Variants in NKAIN2 observed in about 807,000 individuals in gnomAD.
The protein encoded by NKAIN2 is sodium/potassium transporting ATPase interacting 2, also known as sodium/potassium-transporting ATPase subunit beta-1-interacting protein 2.
A neutral mutation model predicts 32.6 loss-of-function variants in NKAIN2; 14 were observed. The observed-to-expected ratio is 0.43, with a 90% CI of 0.28 to 0.67. NKAIN2 has a LOEUF of 0.67. Ranked by LOEUF, NKAIN2 falls within the 30% of genes least tolerant of loss-of-function variation. The pLI is 0.17. For synonymous variants in NKAIN2, 80 were observed against 87.2 expected (o/e 0.92, Z 0.46); for missense variants, 198 against 258.3 (o/e 0.77, Z 1.60).
intron 1 of NKAIN2, among the ~76,000 whole-genome samples, chr6:124,100,175 G>A (rs1473560511): frequency 6.6e-6 from 1 of 152,160 alleles, no homozygotes; most frequent in Non-Finnish European, 1.5e-5. Flanking sequence ...AAGATTTCCT[G>A]ATCCTTGAGA....
intron 1 of NKAIN2, among the ~76,000 whole-genome samples, chr6:123,863,741 A>G (rs1332252789): frequency 6.6e-6 from 1 of 152,150 alleles, no homozygotes. Context: ...TAGGACAACA[A>G]TGCAGTTTGC....
At chr6:124,106,987 A>G (rs1467385531) in intron 1 of NKAIN2, among the ~76,000 whole-genome samples, 2 of 152,216 alleles carry the variant, frequency 1.3e-5, no homozygotes, top group East Asian at 1.9e-4. Context: ...TATTAATAAA[A>G]CGAATGAAGT....
intron 3 of NKAIN2, among the ~76,000 whole-genome samples, chr6:124,464,143 A>G (rs1408622557): frequency 6.6e-6 from 1 of 152,170 alleles, no homozygotes; most frequent in East Asian, 1.9e-4. Context: ...CTGTGCCACC[A>G]TGCCCGAATA....
In NKAIN2 at chr6:124,387,276, G is replaced by T. The variant is rs1052810997; in HGVS notation, c.273+31929G>T. On this transcript the variant is annotated intron_variant, in intron 3 of 6. Coordinates refer to ENST00000368417, the MANE Select transcript of NKAIN2 (RefSeq NM_001040214.3). ...TTTAGTCTTCTATTCTGTAAAAAAA[G>T]TTTGGACCTAATTAAAGGTTTTTTT... Among the ~76,000 whole-genome samples, 5 of 142,574 alleles carry T rather than the reference G, an allele frequency of 3.5e-5. No homozygotes were observed. The East Asian group carries it at 1.0e-3, about 30-fold the overall frequency. The allele number at this position is 142,574 out of a possible 152,430, so 93.5% of individuals were successfully genotyped here. A position where few individuals can be genotyped will look rare whatever the true frequency, so the allele number is the denominator to read the frequency against.
At chr6:124,609,557 G>C (rs1364722819) in intron 3 of NKAIN2, among the ~76,000 whole-genome samples, 1 of 152,038 alleles carries the variant, frequency 6.6e-6, no homozygotes, top group Non-Finnish European at 1.5e-5. Context: ...AGAGTAACGA[G>C]TGAAGATGAT....
chr6:124,721,255 T>G (rs1776003986), intron 4 of NKAIN2, among the ~76,000 whole-genome samples: 1 of 151,732 alleles, frequency 6.6e-6, no homozygotes, highest in Admixed American at 6.6e-5. Context: ...ATACAAAAAA[T>G]TAGCCGGGCG....
At chr6:123,878,708 T>C (rs1773296522) in intron 1 of NKAIN2, among the ~76,000 whole-genome samples, 1 of 152,184 alleles carries the variant, frequency 6.6e-6, no homozygotes, top group African/African-American at 2.4e-5. Flanking sequence ...CACCCACTAC[T>C]GATGCTCTGA....
intron 2 of NKAIN2, among the ~76,000 whole-genome samples, chr6:124,319,352 T>C (rs572595626): frequency 3.5e-4 from 54 of 152,226 alleles, no homozygotes; most frequent in African/African-American, 1.2e-3. Context: ...TCATACCTAG[T>C]TGTTCTCCAA....
At chr6:124,579,092 C>G (rs1247258461) in intron 3 of NKAIN2, among the ~76,000 whole-genome samples, 1 of 152,110 alleles carries the variant, frequency 6.6e-6, no homozygotes, top group Non-Finnish European at 1.5e-5. Context: ...GATTACAACA[C>G]CCAAATCCCT....
intron 1 of NKAIN2, among the ~76,000 whole-genome samples, chr6:124,131,165 G>T (rs999646973): frequency 2.6e-5 from 4 of 151,962 alleles, no homozygotes; most frequent in Non-Finnish European, 5.9e-5. Context: ...TTGTTTTTTT[G>T]ATACAGTCTT....
At chr6:124,149,294 A>G (rs1051171461) in intron 1 of NKAIN2, among the ~76,000 whole-genome samples, 1 of 152,164 alleles carries the variant, frequency 6.6e-6, no homozygotes, top group Non-Finnish European at 1.5e-5. Flanking sequence ...GCAGCACAAA[A>G]TTTTATCCAT....
chr6:124,193,231 C>T (rs976250932), intron 1 of NKAIN2, among the ~76,000 whole-genome samples: 10 of 152,308 alleles, frequency 6.6e-5, no homozygotes, highest in African/African-American at 1.7e-4. Flanking sequence ...CCATTTGGCC[C>T]GGCAAACAGG....
rs545133686 is a variant in NKAIN2, at chr6:124,120,494, T to C, written c.55-162511T>C. 1.1e-4 allele frequency among the ~76,000 whole-genome samples: 16 copies of C among 152,270 alleles called. 1 individual carries two copies. The highest frequency in any genetic ancestry group is 9.2e-4 in the Admixed American group (14 of 15,284). On this transcript the variant is annotated intron_variant, in intron 1 of 6. Transcript: ENST00000368417. ...TTATTTAATCTGCACAAAAATTCTG[T>C]AAAGTGGATTGTCTTATCCCTCTTC...
chr6:124,476,135 A>G (rs1157769970), intron 3 of NKAIN2, among the ~76,000 whole-genome samples: 1 of 149,466 alleles, frequency 6.7e-6, no homozygotes, highest in Non-Finnish European at 1.5e-5. Flanking sequence ...ATGCACAGGA[A>G]AATAATTTCT....
At chr6:124,523,902 A>G (rs1779215600) in intron 3 of NKAIN2, among the ~76,000 whole-genome samples, 1 of 152,194 alleles carries the variant, frequency 6.6e-6, no homozygotes, top group African/African-American at 2.4e-5. Context: ...GCCAGAAACA[A>G]TACTCTGGTT....
At chr6:124,476,623 A>G (rs1276952512) in intron 3 of NKAIN2, among the ~76,000 whole-genome samples, 2 of 152,182 alleles carry the variant, frequency 1.3e-5, no homozygotes, top group African/African-American at 4.8e-5. Flanking sequence ...TTCCTTTTCT[A>G]AAGCAATGCT....
At chr6:124,532,358 G>A (rs1047633747) in intron 3 of NKAIN2, among the ~76,000 whole-genome samples, 1 of 152,146 alleles carries the variant, frequency 6.6e-6, no homozygotes, top group African/African-American at 2.4e-5. Context: ...TGGAATTATG[G>A]CTGAAGCAAG....
At chr6:124,407,357 C>T (rs896438484) in intron 3 of NKAIN2, among the ~76,000 whole-genome samples, 1 of 148,230 alleles carries the variant, frequency 6.7e-6, no homozygotes, top group Non-Finnish European at 1.5e-5. Flanking sequence ...CCCCACATGC[C>T]ACAACCATCC....
intron 3 of NKAIN2, among the ~76,000 whole-genome samples, chr6:124,476,973 C>G (rs963946443): frequency 2.6e-5 from 4 of 152,168 alleles, no homozygotes; most frequent in African/African-American, 9.7e-5. Flanking sequence ...CAAAGTGTCA[C>G]CCTTTGTACT....
Sources: allele counts gnomAD v4.1 joint callset (sites outside exome capture counted in the v4.1 genomes callset), GRCh38; gene constraint gnomAD v4.1.1; transcripts MANE v1.5; gene names NCBI Gene and HGNC (gene_info 2026-07-23, HGNC 2026-07-21).